KIAA0825: variants seen among roughly 807,000 people sequenced by gnomAD.
KIAA0825 encodes the protein uncharacterized protein KIAA0825.
Under a neutral mutation model 147.6 loss-of-function variants are expected in KIAA0825, and 119 were observed. The observed-to-expected ratio is 0.81, with a 90% CI of 0.69 to 0.94. KIAA0825 has a LOEUF of 0.94. KIAA0825 is among the 40% of genes least tolerant of loss of function. The pLI is 0.00. For missense variants in KIAA0825, 1,381 were observed against 1,472.7 expected (o/e 0.94, Z 1.02); for synonymous variants, 470 against 518.1 (o/e 0.91, Z 1.26).
intron 1 of KIAA0825, among the ~76,000 whole-genome samples, chr5:94,599,650 T>C (rs1444414421): frequency 1.3e-5 from 2 of 152,060 alleles, no homozygotes; most frequent in South Asian, 2.1e-4. Context: ...AAGAAAAAAA[T>C]TGATAAATTG....
At position 94,540,466 on chromosome 5, in the gene KIAA0825, C is replaced by G. The variant is rs1773062807; in HGVS notation, c.-1-3339G>C. On this transcript the variant is annotated intron_variant, in intron 2 of 20. Transcript: ENST00000682413. The stretch of plus-strand genomic sequence containing the variant: ...TTGTAACCACATGGCAGTACTTTCT[C>G]TTGGTCTCTGCCATCACAATGGTGG... Among the ~76,000 whole-genome samples the G allele has an allele frequency of 2.0e-5, 3 of 152,322 alleles. No individual in the cohort carries two copies. The South Asian group carries it at 6.2e-4, about 32-fold the overall frequency.
At chr5:94,518,015 G>T (rs886318801) in intron 5 of KIAA0825, among the ~76,000 whole-genome samples, 1 of 152,090 alleles carries the variant, frequency 6.6e-6, no homozygotes, top group Non-Finnish European at 1.5e-5. Flanking sequence ...TGGTAGGTTA[G>T]AAGGATTAAA....
chr5:94,495,641 T>G (rs1764268175), intron 5 of KIAA0825, among the ~76,000 whole-genome samples: 1 of 152,200 alleles, frequency 6.6e-6, no homozygotes, highest in Non-Finnish European at 1.5e-5. Flanking sequence ...CTCATGAGAA[T>G]AAATTTACTT....
At chr5:94,319,205 C>T (rs1172992851) in intron 20 of KIAA0825, among the ~76,000 whole-genome samples, 1 of 151,842 alleles carries the variant, frequency 6.6e-6, no homozygotes, top group East Asian at 1.9e-4. Flanking sequence ...CTGAGAGCCT[C>T]ACTTGGCTCT....
intron 12 of KIAA0825, among the ~76,000 whole-genome samples, chr5:94,454,033 C>A (rs1192385386): frequency 6.6e-6 from 1 of 151,998 alleles, no homozygotes; most frequent in East Asian, 1.9e-4. Flanking sequence ...AACAATGTAA[C>A]CCGAATATCT....
At chr5:94,362,265 C>T (rs769577819) in intron 20 of KIAA0825, among the ~76,000 whole-genome samples, 10 of 152,172 alleles carry the variant, frequency 6.6e-5, no homozygotes, top group Non-Finnish European at 1.0e-4. Context: ...ATATTCTCCA[C>T]GGATAGGCCT....
intron 20 of KIAA0825, among the ~76,000 whole-genome samples, chr5:94,351,173 C>T (rs1447823378): frequency 6.6e-6 from 1 of 152,098 alleles, no homozygotes; most frequent in African/African-American, 2.4e-5. Flanking sequence ...CTTGAAAACC[C>T]TAAGGACTCC....
chr5:94,156,935 A>C (rs1372822143), intron 20 of KIAA0825, among the ~76,000 whole-genome samples: 2 of 152,158 alleles, frequency 1.3e-5, no homozygotes, highest in African/African-American at 4.8e-5. Flanking sequence ...CTTTAATTCC[A>C]TCATGGTTTT....
At chr5:94,564,986 CTCT>C (rs1266151936) in intron 2 of KIAA0825, among the ~76,000 whole-genome samples, 1 of 138,268 alleles carries the variant, frequency 7.2e-6, no homozygotes, top group Non-Finnish European at 1.6e-5. Flanking sequence ...CTCTTCTCTT[CTCT>C]TCTCCTCTCT....
At chr5:94,367,862 A>G (rs1746094629) in intron 20 of KIAA0825, among the ~76,000 whole-genome samples, 1 of 152,250 alleles carries the variant, frequency 6.6e-6, no homozygotes, top group South Asian at 2.1e-4. Flanking sequence ...CTGCGTATTC[A>G]TGGCAGTTTA....
chr5:94,243,058 G>A (rs562176653), intron 20 of KIAA0825, among the ~76,000 whole-genome samples: 3 of 152,244 alleles, frequency 2.0e-5, no homozygotes, highest in African/African-American at 7.2e-5. Context: ...TGTGATTGTG[G>A]GCAAGTTATA....
intron 1 of KIAA0825, among the ~76,000 whole-genome samples, chr5:94,615,003 C>G (rs1358473834): frequency 6.6e-6 from 1 of 151,578 alleles, no homozygotes; most frequent in South Asian, 2.1e-4. Context: ...CCTATGGATC[C>G]ATTTTACATA....
chr5:94,496,893 G>A (rs551521940), intron 5 of KIAA0825, among the ~76,000 whole-genome samples: 1 of 152,190 alleles, frequency 6.6e-6, no homozygotes, highest in African/African-American at 2.4e-5. Flanking sequence ...CGGTTTTCCT[G>A]TCCAGCCCAC....
At chr5:94,389,651 T>C (rs1349425528) in intron 18 of KIAA0825, among the ~76,000 whole-genome samples, 2 of 152,168 alleles carry the variant, frequency 1.3e-5, no homozygotes, top group African/African-American at 2.4e-5. Context: ...GCAGCACATC[T>C]GAAGGTGCTA....
At position 94,596,432 on chromosome 5, in the gene KIAA0825, T is replaced by G. The variant is rs893323492; in HGVS notation, c.-152-13849A>C. On this transcript the variant is annotated intron_variant, in intron 1 of 20. Transcript: ENST00000682413. ...TTCTGGGCTCTCTATCCTTCTCCAT[T>G]GGTCTATGTGTCTGTTTTTATAGTG... Among the ~76,000 whole-genome samples, 3 of 152,202 alleles carry G rather than the reference T, an allele frequency of 2.0e-5. No individual in the cohort carries two copies. The East Asian group carries it at 5.8e-4, about 29-fold the overall frequency.
At chr5:94,446,630 A>G (rs1309869163) in intron 13 of KIAA0825, among the ~76,000 whole-genome samples, 1 of 152,214 alleles carries the variant, frequency 6.6e-6, no homozygotes, top group East Asian at 1.9e-4. Flanking sequence ...TTCACAGAGT[A>G]GCAGGTATCA....
intron 20 of KIAA0825, among the ~76,000 whole-genome samples, chr5:94,237,504 G>A (rs1306229256): frequency 6.6e-6 from 1 of 152,208 alleles, no homozygotes; most frequent in Middle Eastern, 3.4e-3. Context: ...AGTTGAGGGA[G>A]CCCTCCCGTC....
intron 20 of KIAA0825, among the ~76,000 whole-genome samples, chr5:94,219,253 G>A (rs1364084681): frequency 6.6e-6 from 1 of 152,026 alleles, no homozygotes; most frequent in Admixed American, 6.6e-5. Context: ...CATAGGGAGT[G>A]TGCAATCTAG....
intron 2 of KIAA0825, among the ~76,000 whole-genome samples, chr5:94,563,496 G>C (rs1361276926): frequency 6.6e-6 from 1 of 151,984 alleles, no homozygotes; most frequent in Non-Finnish European, 1.5e-5. Context: ...ATATGCCCTT[G>C]TACACACAAT....
Sources: gnomAD v4.1 joint callset for allele counts (sites outside exome capture counted in the v4.1 genomes callset) on GRCh38, gnomAD v4.1.1 for gene constraint, MANE v1.5 for transcripts, NCBI Gene and HGNC (gene_info 2026-07-23, HGNC 2026-07-21) for gene names.